Variants in TENM1 observed in about 807,000 individuals in gnomAD.
TENM1 encodes teneurin transmembrane protein 1.
TENM1 carries 35 observed loss-of-function variants against 174.8 expected under a neutral mutation model. The observed-to-expected ratio is 0.20, with a 90% CI of 0.15 to 0.27. The LOEUF (loss-of-function observed/expected upper bound fraction) is 0.27, where lower values mean the gene tolerates loss of function less well. Among genes scored for constraint, TENM1 ranks in the 10% least tolerant of loss-of-function variants. The probability of loss-of-function intolerance (pLI) is 1.00; values close to 1 mark genes in which losing one functional copy is unlikely to be tolerated. For synonymous variants in TENM1, 781 were observed against 798.7 expected (o/e 0.98, Z 0.37); for missense variants, 1,633 against 2,130.1 (o/e 0.77, Z 4.59).
chrX:124,629,043 A>G (rs180833026), intron 11 of TENM1, among the ~76,000 whole-genome samples: 201 of 111,996 alleles, frequency 1.8e-3, no homozygotes, highest in African/African-American at 6.0e-3. Context: ...TGAAGTCACC[A>G]TACAAGCCCT....
the TENM1 span, among the ~76,000 whole-genome samples, chrX:125,128,810 C>T: frequency 9.0e-6 from 1 of 111,281 alleles, no homozygotes; most frequent in East Asian, 2.8e-4. Flanking sequence ...GTAACTGGCA[C>T]ACACAAAAAA....
intron 1 of TENM1, among the ~76,000 whole-genome samples, chrX:124,929,666 G>A (rs1379068640): frequency 8.9e-6 from 1 of 111,797 alleles, no homozygotes; most frequent in Non-Finnish European, 1.9e-5. Context: ...ATGTAGTGAT[G>A]TGAGTCTCTC....
At chrX:124,929,131 C>T (rs560064803) in intron 1 of TENM1, among the ~76,000 whole-genome samples, 224 of 111,426 alleles carry the variant, frequency 2.0e-3, no homozygotes, top group South Asian at 5.3e-3. Flanking sequence ...TCTTTAAATT[C>T]GACCTGTCTT....
chrX:124,383,123 T>C (rs1179066921), intron 30 of TENM1, among the ~76,000 whole-genome samples: 1 of 110,028 alleles, frequency 9.1e-6, no homozygotes, highest in Non-Finnish European at 1.9e-5. Flanking sequence ...ATTTTTGTAT[T>C]TTTAGTAGAG....
intron 3 of TENM1, among the ~76,000 whole-genome samples, chrX:124,755,469 G>T (rs1198719929): frequency 9.0e-6 from 1 of 110,730 alleles, no homozygotes; most frequent in Non-Finnish European, 1.9e-5. Flanking sequence ...CTTTTAGTTG[G>T]AGCATTTAGT....
intron 3 of TENM1, among the ~76,000 whole-genome samples, chrX:124,780,193 A>AAGC (rs2054877217): frequency 8.9e-6 from 1 of 112,315 alleles, no homozygotes; most frequent in Non-Finnish European, 1.9e-5. Flanking sequence ...CTCCTTGCCC[A>AAGC]AGCACTCATT....
At chrX:124,546,815 C>G in intron 15 of TENM1, 59 bp downstream of exon 18, 1 of 915,761 alleles carries the variant, frequency 1.1e-6, no homozygotes. Context: ...ATCTTCCTTT[C>G]GTAGTTCAGG....
upstream of TENM1, among the ~76,000 whole-genome samples, chrX:124,965,532 C>T (rs2058715668): frequency 8.9e-6 from 1 of 111,746 alleles, no homozygotes; most frequent in South Asian, 3.7e-4. Flanking sequence ...GTCTTAATGT[C>T]TCTTTATATC....
At chrX:124,819,016 A>C (rs1268190205) in intron 3 of TENM1, among the ~76,000 whole-genome samples, 2 of 111,864 alleles carry the variant, frequency 1.8e-5, no homozygotes, top group African/African-American at 6.5e-5. Flanking sequence ...AAGGGTATGC[A>C]CCCCAGGCCA....
At chrX:124,665,755 T>C (rs983121206) in intron 6 of TENM1, among the ~76,000 whole-genome samples, 7 of 112,177 alleles carry the variant, frequency 6.2e-5, no homozygotes, top group Non-Finnish European at 1.3e-4. Context: ...GCTGAGAGAA[T>C]AGAGGGCAAA....
At chrX:125,063,484 T>A in the TENM1 span, among the ~76,000 whole-genome samples, 1 of 111,020 alleles carries the variant, frequency 9.0e-6, no homozygotes, top group African/African-American at 3.3e-5. Context: ...AACAACCCCA[T>A]CAACAAGTGG....
the TENM1 span, among the ~76,000 whole-genome samples, chrX:125,005,732 C>T: frequency 9.1e-5 from 10 of 110,234 alleles, no homozygotes; most frequent in Non-Finnish European, 1.9e-4. Context: ...CCATGGAGAG[C>T]GAGCAGAAGC....
chrX:124,901,677 C>G (rs1279134001), intron 1 of TENM1, among the ~76,000 whole-genome samples: 2 of 110,978 alleles, frequency 1.8e-5, no homozygotes, highest in African/African-American at 6.6e-5. Context: ...GAGCTCCCCC[C>G]AGTGTTGCCC....
At chrX:124,743,150 T>A (rs976561205) in intron 3 of TENM1, among the ~76,000 whole-genome samples, 3 of 111,537 alleles carry the variant, frequency 2.7e-5, no homozygotes, top group African/African-American at 9.8e-5. Context: ...ATCATCAAAT[T>A]AGACTTAAAT....
At chrX:125,195,630 G>A in the TENM1 span, among the ~76,000 whole-genome samples, 30 of 111,276 alleles carry the variant, frequency 2.7e-4, no homozygotes, top group Non-Finnish European at 4.7e-4. Flanking sequence ...TAAGTGTTGC[G>A]ATTTTATTAG....
intron 11 of TENM1, among the ~76,000 whole-genome samples, chrX:124,594,265 C>A (rs1256306040): frequency 1.8e-5 from 2 of 111,564 alleles, no homozygotes; most frequent in African/African-American, 6.5e-5. Context: ...TGTTTGCCAG[C>A]ATTCACCTCC....
the TENM1 span, among the ~76,000 whole-genome samples, chrX:125,118,117 C>T: frequency 1.8e-5 from 2 of 111,459 alleles, no homozygotes; most frequent in Admixed American, 1.9e-4. Flanking sequence ...TTAAATAACT[C>T]AGAAAAGGAA....
chrX:124,633,609 T>C (rs1344417445), intron 11 of TENM1, among the ~76,000 whole-genome samples: 2 of 110,591 alleles, frequency 1.8e-5, no homozygotes, highest in Non-Finnish European at 3.8e-5. Flanking sequence ...ACTATATATA[T>C]ATATAATTAT....
chrX:124,502,561 G>A (rs1222694284), intron 19 of TENM1, among the ~76,000 whole-genome samples: 1 of 112,237 alleles, frequency 8.9e-6, no homozygotes, highest in Non-Finnish European at 1.9e-5. Context: ...TTTAATAAGT[G>A]GCATCTGCCC....
Sources: allele counts gnomAD v4.1 joint callset (sites outside exome capture counted in the v4.1 genomes callset), GRCh38; gene constraint gnomAD v4.1.1; transcripts MANE v1.5; gene names NCBI Gene and HGNC (gene_info 2026-07-23, HGNC 2026-07-21).